The following ZNF221 variants were observed in gnomAD, a reference collection of about 807,000 sequenced individuals.
ZNF221 encodes the protein zinc finger protein 221.
Under a neutral mutation model 12.6 loss-of-function variants are expected in ZNF221, and 10 were observed. That is an observed-to-expected ratio of 0.79 (90% CI 0.49 to 1.34). The LOEUF (loss-of-function observed/expected upper bound fraction) is 1.34, where lower values mean the gene tolerates loss of function less well. Ranked by LOEUF, ZNF221 falls within the 40% of genes most tolerant of loss-of-function variation. The pLI is 0.00. For synonymous variants in ZNF221, 232 were observed against 244.0 expected, an observed-to-expected ratio of 0.95 and a Z score of 0.46; for missense variants, 661 against 721.4, an observed-to-expected ratio of 0.92 and a Z score of 0.96.
At chr19:43,978,027 T>TA in the ZNF221 span, among the ~76,000 whole-genome samples, 1 of 152,230 alleles carries the variant, frequency 6.6e-6, no homozygotes, top group Non-Finnish European at 1.5e-5. Context: ...TGCATGGTGT[T>TA]ACATAAGACT....
chr19:43,953,489 T>C (rs1037239119), intron 1 of ZNF221, among the ~76,000 whole-genome samples: 3 of 152,086 alleles, frequency 2.0e-5, no homozygotes, highest in Non-Finnish European at 2.9e-5. Context: ...GATTAAACCA[T>C]TGGCCACTGG....
At chr19:43,954,990 C>T (rs1338803605) in intron 1 of ZNF221, among the ~76,000 whole-genome samples, 1 of 152,112 alleles carries the variant, frequency 6.6e-6, no homozygotes, top group Non-Finnish European at 1.5e-5. Flanking sequence ...TTGTTTTAGA[C>T]AATCAATGTT....
rs779060490 is a variant in ZNF221, at chr19:43,965,908, T to A, written c.406T>A (p.Ser136Thr). The change falls in exon 5 of 5, where the codon TCT becomes ACT. Residue 136 changes from serine to threonine, a missense_variant. Ser to Thr is a moderately conservative substitution (Grantham distance 58). Coordinates refer to ENST00000587682, the MANE Select transcript of ZNF221 (RefSeq NM_001297588.2). Reference sequence around the variant, plus strand: ...ACAAATTGCAAGTGACCTAACCAGGTCTCAAAACTCCATAAGGAACAGCTC... The same window carrying A: ...ACAAATTGCAAGTGACCTAACCAGGACTCAAAACTCCATAAGGAACAGCTC... ...WEQIASDLTRSQNSIRNSSQF... is the reference protein window; with the variant it reads ...WEQIASDLTRTQNSIRNSSQF... 6.2e-7 allele frequency: 1 copy of A among 1,614,130 alleles called. No homozygotes were observed. Among genetic ancestry groups the A allele is most frequent in the Non-Finnish European group, 8.5e-7 (1 of 1,180,018 alleles).
intron 1 of ZNF221, among the ~76,000 whole-genome samples, chr19:43,958,605 T>C (rs1392603054): frequency 6.6e-6 from 1 of 152,206 alleles, no homozygotes; most frequent in Non-Finnish European, 1.5e-5. Context: ...TTTTAAGATG[T>C]CCACCTGGGA....
downstream of ZNF221, among the ~76,000 whole-genome samples, chr19:43,969,155 G>A (rs1219108405): frequency 1.3e-5 from 2 of 152,148 alleles, no homozygotes; most frequent in Non-Finnish European, 2.9e-5. Flanking sequence ...AACAGCAACA[G>A]GCTTCAGCCT....
intron 1 of ZNF221, among the ~76,000 whole-genome samples, chr19:43,952,329 AGACGGAGT>A (rs1401806971): frequency 6.6e-6 from 1 of 152,228 alleles, no homozygotes; most frequent in African/African-American, 2.4e-5. Flanking sequence ...GCTTGGAGGT[AGACGGAGT>A]GACTCCTTGA....
At chr19:43,953,450 T>C (rs2299936) in intron 1 of ZNF221, among the ~76,000 whole-genome samples, 51,279 of 151,836 alleles carry the variant, frequency 0.34, 8,949 homozygotes, top group Middle Eastern at 0.45. Flanking sequence ...CTTGGTTTTT[T>C]ATGGAAACTT....
At chr19:43,964,148 G>C (rs557783627) in intron 2 of ZNF221, among the ~76,000 whole-genome samples, 1 of 152,024 alleles carries the variant, frequency 6.6e-6, no homozygotes, top group African/African-American at 2.4e-5. Context: ...TATGAAATGA[G>C]ATGAAATAAA....
chr19:43,958,092 G>C (rs538011518), intron 1 of ZNF221, among the ~76,000 whole-genome samples: 1 of 152,120 alleles, frequency 6.6e-6, no homozygotes, highest in Non-Finnish European at 1.5e-5. Context: ...CAAGAGTTTC[G>C]CAATCAGGCC....
chr19:43,953,325 T>C (rs1445120349), intron 1 of ZNF221, among the ~76,000 whole-genome samples: 2 of 151,686 alleles, frequency 1.3e-5, no homozygotes, highest in African/African-American at 4.8e-5. Context: ...GGTGAAGAGA[T>C]GCATAGGGCA....
At chr19:43,961,284 A>G (rs1300084812) in intron 1 of ZNF221, among the ~76,000 whole-genome samples, 1 of 152,150 alleles carries the variant, frequency 6.6e-6, no homozygotes, top group African/African-American at 2.4e-5. Context: ...AATTATTTAC[A>G]TTTTGTATTT....
chr19:43,955,885 G>A (rs550532086), intron 1 of ZNF221, among the ~76,000 whole-genome samples: 14 of 152,144 alleles, frequency 9.2e-5, no homozygotes, highest in South Asian at 2.1e-4. Flanking sequence ...TCTCCAGGTA[G>A]CATGACTCTG....
At chr19:43,955,315 G>C (rs1974737980) in intron 1 of ZNF221, among the ~76,000 whole-genome samples, 1 of 152,080 alleles carries the variant, frequency 6.6e-6, no homozygotes, top group Non-Finnish European at 1.5e-5. Flanking sequence ...CTGACAAACA[G>C]AACAGTTTTC....
At position 43,966,067 on chromosome 19, in the gene ZNF221, C is replaced by G. The variant is rs775215292; in HGVS notation, c.565C>G (p.Gln189Glu). The change falls in exon 5 of 5, where the codon CAA becomes GAA. Residue 189 changes from glutamine (Q) to glutamate (E), a missense_variant. Coordinates refer to ENST00000587682, the MANE Select transcript of ZNF221 (RefSeq NM_001297588.2). ...FSDVSVFDLHQQSHSGEKSHT... is the reference protein window; with the variant it reads ...FSDVSVFDLHEQSHSGEKSHT... ...TGATGTTTCTGTCTTTGATCTTCAT[C>G]AACAATCACACTCAGGAGAGAAATC... The G allele has an allele frequency of 1.2e-6, 2 of 1,614,216 alleles. No homozygotes were observed. The highest frequency in any genetic ancestry group is 3.3e-5 in the Admixed American group (2 of 60,036).
At chr19:43,964,340 A>G (rs1485241250) in intron 2 of ZNF221, among the ~76,000 whole-genome samples, 9 of 152,206 alleles carry the variant, frequency 5.9e-5, no homozygotes, top group African/African-American at 1.7e-4. Flanking sequence ...AAAGCCACAC[A>G]TCTAGGAAGG....
downstream of ZNF221, among the ~76,000 whole-genome samples, chr19:43,968,548 A>G (rs1220836692): frequency 6.6e-6 from 1 of 152,236 alleles, no homozygotes; most frequent in Non-Finnish European, 1.5e-5. Flanking sequence ...AGGAGAAAAC[A>G]TATTTCAAAA....
intron 1 of ZNF221, among the ~76,000 whole-genome samples, chr19:43,953,486 C>G (rs146451902): frequency 1.3e-5 from 2 of 152,206 alleles, no homozygotes; most frequent in Non-Finnish European, 2.9e-5. Context: ...ATTGATTAAA[C>G]CATTGGCCAC....
chr19:43,976,524 G>A, the ZNF221 span, among the ~76,000 whole-genome samples: 1 of 152,096 alleles, frequency 6.6e-6, no homozygotes, highest in Non-Finnish European at 1.5e-5. Flanking sequence ...GCAACAGAGC[G>A]AGACTTCATC....
chr19:43,980,817 T>C, the ZNF221 span, among the ~76,000 whole-genome samples: 1 of 152,206 alleles, frequency 6.6e-6, no homozygotes, highest in Non-Finnish European at 1.5e-5. Flanking sequence ...CTTTGCCTAT[T>C]TTGTGTGACC....
Sources: allele counts gnomAD v4.1 joint callset (sites outside exome capture counted in the v4.1 genomes callset), GRCh38; gene constraint gnomAD v4.1.1; transcripts MANE v1.5; gene names NCBI Gene and HGNC (gene_info 2026-07-23, HGNC 2026-07-21).